The following PIGL variants were observed in gnomAD, a reference collection of about 807,000 sequenced individuals.
The protein encoded by PIGL is phosphatidylinositol glycan anchor biosynthesis class L.
Under a neutral mutation model 31.1 loss-of-function variants are expected in PIGL, and 22 were observed. The observed-to-expected ratio is 0.71, with a 90% CI of 0.51 to 1.01. The LOEUF (loss-of-function observed/expected upper bound fraction) is 1.01, where lower values mean the gene tolerates loss of function less well. Ranked by LOEUF, PIGL falls within the 50% of genes least tolerant of loss-of-function variation. The pLI, the probability that PIGL is intolerant of heterozygous loss-of-function variation, is 0.00. For missense variants in PIGL, 302 were observed against 315.9 expected (o/e 0.96, Z 0.33); for synonymous variants, 131 against 117.4 (o/e 1.12, Z -0.75).
At position 16,325,851 on chromosome 17, in the gene PIGL, A is replaced by G. The variant is rs370082158; in HGVS notation, c.712A>G (p.Ile238Val). Reference protein sequence around the residue: ...SQLLWFRRLYIIFSRYMRINS... With the variant: ...SQLLWFRRLYVIFSRYMRINS... Reference sequence around the variant, plus strand: ...GCTCCTCTGGTTCCGCCGCCTCTACATTATCTTCTCCCGGTACATGAGAAT... The same window carrying G: ...GCTCCTCTGGTTCCGCCGCCTCTACGTTATCTTCTCCCGGTACATGAGAAT... Residue 238 changes from isoleucine to valine, a missense_variant, in exon 7 of 7, where the codon ATT becomes GTT. Coordinates refer to ENST00000225609, the MANE Select transcript of PIGL (RefSeq NM_004278.4). 5.0e-5 allele frequency: 80 copies of G among 1,613,916 alleles called. 1 individual carries two copies. Among genetic ancestry groups the G allele is most frequent in the Admixed American group, 4.0e-4 (24 of 59,996 alleles).
At chr17:16,305,189 G>T (rs1344176933) in intron 3 of PIGL, among the ~76,000 whole-genome samples, 1 of 152,072 alleles carries the variant, frequency 6.6e-6, no homozygotes, top group African/African-American at 2.4e-5. Flanking sequence ...AGGCTGAGGT[G>T]GGAGAATCAC....
chr17:16,228,862 G>T (rs1255744653), intron 1 of PIGL, among the ~76,000 whole-genome samples: 1 of 152,080 alleles, frequency 6.6e-6, no homozygotes, highest in East Asian at 1.9e-4. Context: ...CTATGAATTT[G>T]TCTATTCTAG....
intron 5 of PIGL, 64 bp from the exon 6 acceptor site, chr17:16,317,711 T>C: frequency 1.2e-6 from 2 of 1,606,964 alleles, no homozygotes; most frequent in Non-Finnish European, 1.7e-6. Context: ...GGGAGGATGC[T>C]CAGGGGAAAA....
chr17:16,264,690 T>G (rs1372654597), intron 2 of PIGL, among the ~76,000 whole-genome samples: 1 of 151,596 alleles, frequency 6.6e-6, no homozygotes, highest in Non-Finnish European at 1.5e-5. Flanking sequence ...TGGAGTGCAG[T>G]GGCGTGATCT....
At chr17:16,314,956 G>A (rs961799550) in intron 4 of PIGL, among the ~76,000 whole-genome samples, 7 of 152,096 alleles carry the variant, frequency 4.6e-5, no homozygotes, top group African/African-American at 1.4e-4. Context: ...ATTTCTCTCC[G>A]AGAATTTACA....
intron 2 of PIGL, among the ~76,000 whole-genome samples, chr17:16,238,041 C>G (rs1310300807): frequency 6.6e-6 from 1 of 151,350 alleles, no homozygotes; most frequent in Non-Finnish European, 1.5e-5. Context: ...ACTAAAAATA[C>G]AAAAATTAGT....
At chr17:16,311,823 G>C (rs926935332) in intron 3 of PIGL, among the ~76,000 whole-genome samples, 1 of 152,178 alleles carries the variant, frequency 6.6e-6, no homozygotes. Context: ...ATTTTTCTTA[G>C]TACAGAACAA....
chr17:16,265,328 G>A (rs1443135031), intron 2 of PIGL, among the ~76,000 whole-genome samples: 1 of 152,228 alleles, frequency 6.6e-6, no homozygotes, highest in African/African-American at 2.4e-5. Flanking sequence ...TGGTCACGAG[G>A]TGATTAGGAC....
intron 1 of PIGL, 185 bp downstream of exon 1, chr17:16,217,646 A>ATCTACACTCCGCATAT: frequency 9.8e-6 from 5 of 511,616 alleles, no homozygotes; most frequent in Admixed American, 3.6e-5. Context: ...GGGTTGGGGG[A>ATCTACACTCCGCATAT]CGTCGGCAGC....
chr17:16,217,746 G>A (rs563118735), intron 1 of PIGL: 2 of 406,864 alleles, frequency 4.9e-6, no homozygotes, highest in East Asian at 8.8e-5. Flanking sequence ...AACTCCACCT[G>A]TACTTGTTAT....
At chr17:16,227,299 C>G (rs1274448743) in intron 1 of PIGL, among the ~76,000 whole-genome samples, 3 of 151,836 alleles carry the variant, frequency 2.0e-5, no homozygotes, top group African/African-American at 7.2e-5. Context: ...TTTGTAGAGC[C>G]AGGGTTTCAC....
intron 3 of PIGL, among the ~76,000 whole-genome samples, chr17:16,309,697 G>T (rs1198541110): frequency 6.6e-6 from 1 of 150,626 alleles, no homozygotes; most frequent in Non-Finnish European, 1.5e-5. Flanking sequence ...GGAGGTAGAA[G>T]TTGCAGTGAG....
intron 4 of PIGL, among the ~76,000 whole-genome samples, chr17:16,314,494 T>C (rs1473237507): frequency 6.6e-6 from 1 of 152,226 alleles, no homozygotes; most frequent in Non-Finnish European, 1.5e-5. Context: ...CATTCATTAT[T>C]CTGTCAGATG....
intron 1 of PIGL, among the ~76,000 whole-genome samples, chr17:16,219,340 G>A (rs951656736): frequency 3.3e-5 from 5 of 152,050 alleles, no homozygotes; most frequent in Non-Finnish European, 5.9e-5. Context: ...GATTACAGGC[G>A]TAAGCCACCA....
chr17:16,318,016 G>T (rs1766398948), intron 6 of PIGL, 108 bp downstream of exon 6: 17 of 891,266 alleles, frequency 1.9e-5, no homozygotes, highest in Middle Eastern at 6.7e-4. Context: ...TTTTCACAGT[G>T]GTTCAGCACC....
intron 2 of PIGL, among the ~76,000 whole-genome samples, chr17:16,263,676 C>G (rs1418024799): frequency 6.6e-6 from 1 of 151,026 alleles, no homozygotes; most frequent in Non-Finnish European, 1.5e-5. Flanking sequence ...GTGTGCACCA[C>G]CACGCCCAGC....
chr17:16,304,346 C>T (rs1400946043), intron 3 of PIGL, among the ~76,000 whole-genome samples: 1 of 152,200 alleles, frequency 6.6e-6, no homozygotes, highest in Non-Finnish European at 1.5e-5. Flanking sequence ...TCATCCAAAG[C>T]AAAGCTGGCT....
At chr17:16,257,956 G>T (rs1165802896) in intron 2 of PIGL, among the ~76,000 whole-genome samples, 1 of 150,046 alleles carries the variant, frequency 6.7e-6, no homozygotes, top group African/African-American at 2.5e-5. Flanking sequence ...CCAGCTACTT[G>T]GGAGGTTGAG....
chr17:16,325,493 A>G lies in PIGL; in HGVS notation c.661-307A>G, dbSNP rs1033850398. On this transcript the variant is annotated intron_variant, in intron 6 of 6. Coordinates refer to ENST00000225609, the MANE Select transcript of PIGL (RefSeq NM_004278.4). ...AAACAGTAATAACAGTACTTGATTC[A>G]CAGGGTTGTTAACATTGAGATGATG... is the stretch of plus-strand genomic sequence containing the variant. Among the ~76,000 whole-genome samples the G allele has an allele frequency of 2.6e-5, 4 of 152,076 alleles. No homozygotes were observed. In the East Asian group the frequency reaches 7.7e-4, roughly 29 times the overall value.
Sources: gnomAD v4.1 joint callset for allele counts (sites outside exome capture counted in the v4.1 genomes callset) on GRCh38, gnomAD v4.1.1 for gene constraint, MANE v1.5 for transcripts, NCBI Gene and HGNC (gene_info 2026-07-23, HGNC 2026-07-21) for gene names.